The following LANCL2 variants were observed in gnomAD, a reference collection of about 807,000 sequenced individuals.
LANCL2 encodes LanC like glutathione S-transferase 2.
In LANCL2, 33 loss-of-function variants were observed where a neutral mutation model predicts 56.9. The ratio of observed to expected loss-of-function variants is 0.58; its 90% CI spans 0.44 to 0.78. The LOEUF is 0.78. Ranked by LOEUF, LANCL2 falls within the 30% of genes least tolerant of loss-of-function variation. The pLI, the probability that LANCL2 is intolerant of heterozygous loss-of-function variation, is 0.00. For missense variants in LANCL2, 562 were observed against 580.2 expected (o/e 0.97, Z 0.32); for synonymous variants, 233 against 228.2 (o/e 1.02, Z -0.19).
intron 2 of LANCL2, among the ~76,000 whole-genome samples, chr7:55,392,390 G>C (rs1264717264): frequency 7.4e-6 from 1 of 134,638 alleles, no homozygotes; most frequent in African/African-American, 2.9e-5. Flanking sequence ...AGTGTCTGTT[G>C]CCTGGGCTAG....
chr7:55,404,531 T>C (rs905512940), intron 5 of LANCL2, among the ~76,000 whole-genome samples: 1 of 152,208 alleles, frequency 6.6e-6, no homozygotes, highest in Non-Finnish European at 1.5e-5. Flanking sequence ...TTAAAACTTT[T>C]TCTAGTTATT....
intron 1 of LANCL2, among the ~76,000 whole-genome samples, chr7:55,386,318 A>G (rs1001858340): frequency 6.6e-6 from 1 of 152,262 alleles, no homozygotes; most frequent in African/African-American, 2.4e-5. Flanking sequence ...AAAGACAGGC[A>G]TAAGAAATTA....
chr7:55,375,059 A>T lies in LANCL2; in HGVS notation c.204+8830A>T, dbSNP rs1364713135. On this transcript the variant is annotated intron_variant, in intron 1 of 8. Coordinates refer to ENST00000254770, the MANE Select transcript of LANCL2 (RefSeq NM_018697.4). ...TCCTGATGCATTTCAAGTATTATTCATACCTAAATGTTCAATTTATGCATA... is the reference window on the plus strand; with the variant it reads ...TCCTGATGCATTTCAAGTATTATTCTTACCTAAATGTTCAATTTATGCATA... Among the ~76,000 whole-genome samples the T allele has an allele frequency of 2.0e-5, 3 of 152,216 alleles. No individual in the cohort carries two copies. The East Asian group carries it at 5.8e-4, about 29-fold the overall frequency.
chr7:55,367,285 TCCAATGG>T (rs756775472), intron 1 of LANCL2, among the ~76,000 whole-genome samples: 2 of 152,216 alleles, frequency 1.3e-5, no homozygotes, highest in Non-Finnish European at 2.9e-5. Flanking sequence ...AGGTACGTGT[TCCAATGG>T]CCACTTCACC....
intron 1 of LANCL2, among the ~76,000 whole-genome samples, chr7:55,383,899 G>A (rs1307822724): frequency 3.9e-5 from 6 of 152,122 alleles, no homozygotes; most frequent in African/African-American, 1.4e-4. Flanking sequence ...CAACACCCAG[G>A]AATAAACAAG....
At chr7:55,430,328 G>A (rs537553770) in intron 8 of LANCL2, among the ~76,000 whole-genome samples, 30 of 152,342 alleles carry the variant, frequency 2.0e-4, no homozygotes, top group South Asian at 4.1e-4. Flanking sequence ...GGCACAGAAC[G>A]TGAATGAATT....
intron 5 of LANCL2, among the ~76,000 whole-genome samples, chr7:55,401,658 T>C (rs1343129751): frequency 7.6e-6 from 1 of 132,354 alleles, no homozygotes; most frequent in Non-Finnish European, 1.6e-5. Flanking sequence ...AACAAAGGTC[T>C]CTGGTTTTCC....
intron 4 of LANCL2, among the ~76,000 whole-genome samples, chr7:55,400,649 G>T (rs1196609372): frequency 6.6e-6 from 1 of 152,154 alleles, no homozygotes; most frequent in Non-Finnish European, 1.5e-5. Context: ...CAGATGCCCA[G>T]CTAAAACTTG....
At chr7:55,393,256 G>T (rs1302863248) in intron 2 of LANCL2, among the ~76,000 whole-genome samples, 3 of 152,196 alleles carry the variant, frequency 2.0e-5, no homozygotes, top group Non-Finnish European at 2.9e-5. Context: ...CATAGGCCAG[G>T]TGCGGTGGCT....
intron 1 of LANCL2, among the ~76,000 whole-genome samples, chr7:55,382,565 G>A (rs538878888): frequency 1.6e-4 from 25 of 152,270 alleles, no homozygotes; most frequent in African/African-American, 6.0e-4. Context: ...GGATAATTTG[G>A]TGGGAGGGGA....
At chr7:55,381,904 G>A (rs1486007505) in intron 1 of LANCL2, among the ~76,000 whole-genome samples, 2 of 152,186 alleles carry the variant, frequency 1.3e-5, no homozygotes, top group Non-Finnish European at 2.9e-5. Context: ...AAACAAATGA[G>A]GTTTGTGATG....
At chr7:55,392,108 C>T (rs952260236) in intron 2 of LANCL2, among the ~76,000 whole-genome samples, 198 bp downstream of exon 2, 1 of 152,096 alleles carries the variant, frequency 6.6e-6, no homozygotes, top group Non-Finnish European at 1.5e-5. Flanking sequence ...GCTTGGCCAA[C>T]ATGGTGAAAC....
At chr7:55,415,622 T>C (rs1021081049) in intron 6 of LANCL2, among the ~76,000 whole-genome samples, 10 of 80,556 alleles carry the variant, frequency 1.2e-4, no homozygotes, top group African/African-American at 3.9e-4. Context: ...TTTTTCTTTC[T>C]TTTTTTTGAG....
chr7:55,390,262 A>G (rs1343600057), intron 1 of LANCL2, among the ~76,000 whole-genome samples: 7 of 152,218 alleles, frequency 4.6e-5, no homozygotes, highest in Non-Finnish European at 1.0e-4. Context: ...ATAATTCCAT[A>G]GTCATAAGGG....
chr7:55,426,572 TC>T (rs1306089613), intron 7 of LANCL2, among the ~76,000 whole-genome samples: 2 of 152,000 alleles, frequency 1.3e-5, no homozygotes. Flanking sequence ...CATCTGTGGC[TC>T]CCCCACTGAT....
intron 7 of LANCL2, 29 bp from the exon 8 acceptor site, chr7:55,428,346 G>A (rs986343764): frequency 1.9e-6 from 3 of 1,599,550 alleles, no homozygotes; most frequent in Non-Finnish European, 8.6e-7. Context: ...AGAAACTCCA[G>A]TCTTAAAAAG....
At chr7:55,400,243 C>A in intron 4 of LANCL2, 139 bp downstream of exon 4, 1 of 627,846 alleles carries the variant, frequency 1.6e-6, no homozygotes. Context: ...AGAAATAGTC[C>A]CTGCTTTTTT....
intron 5 of LANCL2, among the ~76,000 whole-genome samples, chr7:55,408,243 T>TC (rs1280374856): frequency 6.6e-6 from 1 of 151,732 alleles, no homozygotes; most frequent in East Asian, 1.9e-4. Flanking sequence ...CAGGCAGAAA[T>TC]AGACAATGGG....
chr7:55,385,322 A>G (rs1790113026), intron 1 of LANCL2, among the ~76,000 whole-genome samples: 1 of 152,212 alleles, frequency 6.6e-6, no homozygotes. Flanking sequence ...TATTAGAGAA[A>G]GAAGGAAAAG....
Sources: allele counts gnomAD v4.1 joint callset (sites outside exome capture counted in the v4.1 genomes callset), GRCh38; gene constraint gnomAD v4.1.1; transcripts MANE v1.5; gene names NCBI Gene and HGNC (gene_info 2026-07-23, HGNC 2026-07-21).